The following PDE7B variants were observed in gnomAD, a reference collection of about 807,000 sequenced individuals.
PDE7B encodes phosphodiesterase 7B, also known as 3',5'-cyclic-AMP phosphodiesterase 7B.
PDE7B carries 29 observed loss-of-function variants against 56.2 expected under a neutral mutation model. The ratio of observed to expected loss-of-function variants is 0.52; its 90% CI spans 0.38 to 0.70. PDE7B has a LOEUF of 0.70. Among genes scored for constraint, PDE7B ranks in the 30% least tolerant of loss-of-function variants. PDE7B has a pLI of 0.00. For missense variants in PDE7B, 490 were observed against 565.0 expected (o/e 0.87, Z 1.35); for synonymous variants, 197 against 196.9 (o/e 1.00, Z 0.00).
intron 3 of PDE7B, among the ~76,000 whole-genome samples, chr6:136,124,362 A>T (rs1003124935): frequency 3.9e-5 from 6 of 152,220 alleles, no homozygotes; most frequent in African/African-American, 1.2e-4. Context: ...AATATTTTTT[A>T]AAAAATTGTG....
intron 1 of PDE7B, among the ~76,000 whole-genome samples, chr6:135,873,142 G>A (rs533838234): frequency 5.3e-5 from 8 of 152,256 alleles, no homozygotes; most frequent in South Asian, 2.1e-4. Flanking sequence ...AGCTGAGAGC[G>A]AAACAAATCT....
chr6:135,924,653 A>C (rs1305132525), intron 1 of PDE7B, among the ~76,000 whole-genome samples: 2 of 56,426 alleles, frequency 3.5e-5, no homozygotes, highest in Admixed American at 4.1e-4. Context: ...GTGGGATGTC[A>C]CCTCTAAGTA....
intron 2 of PDE7B, among the ~76,000 whole-genome samples, chr6:136,006,252 G>A (rs1775780796): frequency 6.7e-6 from 1 of 150,104 alleles, no homozygotes; most frequent in African/African-American, 2.4e-5. Flanking sequence ...TATACCTAAT[G>A]CTAAATGACG....
chr6:136,158,127 G>A (rs749385832), intron 8 of PDE7B, among the ~76,000 whole-genome samples: 51 of 152,220 alleles, frequency 3.4e-4, no homozygotes, highest in African/African-American at 1.2e-3. Context: ...ACCCATTAAC[G>A]ACACATGGTA....
intron 2 of PDE7B, among the ~76,000 whole-genome samples, chr6:135,991,667 A>C (rs1258598006): frequency 3.9e-5 from 6 of 152,084 alleles, no homozygotes. Context: ...TAATGAGGTA[A>C]TTTTTCTTCG....
At chr6:135,884,388 A>G (rs1438871585) in intron 1 of PDE7B, among the ~76,000 whole-genome samples, 1 of 152,218 alleles carries the variant, frequency 6.6e-6, no homozygotes, top group Admixed American at 6.5e-5. Flanking sequence ...TCTTTCTTCT[A>G]GTCATCACAT....
At chr6:136,089,373 A>AG (rs1777347367) in intron 2 of PDE7B, among the ~76,000 whole-genome samples, 2 of 152,212 alleles carry the variant, frequency 1.3e-5, no homozygotes, top group Admixed American at 1.3e-4. Flanking sequence ...GTCAATAAAT[A>AG]AATGGTTCCA....
Position 136,195,018 on chromosome 6 carries a change from G to GA in PDE7B, c.*3181dup, listed in dbSNP as rs1472888249. 1 of 152,184 alleles carries GA rather than the reference G, an allele frequency of 6.6e-6. No homozygotes were observed. The highest frequency in any genetic ancestry group is 6.5e-5 in the Admixed American group (1 of 15,278). 9.4% of individuals were successfully genotyped at this position (152,184 alleles called of 1,614,324 possible). Reference sequence around the variant, plus strand: ...GTTTAATTCTTTCATTGCTTGAGAAGAAAGGAATCAAAGGACTGTGTGTAG... The same window carrying GA: ...GTTTAATTCTTTCATTGCTTGAGAAGAAAAGGAATCAAAGGACTGTGTGTAG... On this transcript the variant is annotated 3_prime_UTR_variant, in exon 13 of 13. Coordinates refer to ENST00000308191, the MANE Select transcript of PDE7B (RefSeq NM_018945.4).
intron 1 of PDE7B, among the ~76,000 whole-genome samples, chr6:135,857,641 T>C (rs1319414450): frequency 6.6e-6 from 1 of 152,164 alleles, no homozygotes; most frequent in African/African-American, 2.4e-5. Context: ...TAAGAACATA[T>C]AGAATTGTTT....
At chr6:136,090,305 G>T (rs576133659) in intron 2 of PDE7B, among the ~76,000 whole-genome samples, 1 of 152,250 alleles carries the variant, frequency 6.6e-6, no homozygotes, top group Non-Finnish European at 1.5e-5. Context: ...CATAAAGTTG[G>T]TGATCAGTTA....
intron 2 of PDE7B, among the ~76,000 whole-genome samples, chr6:136,043,141 T>A (rs1776440507): frequency 6.6e-6 from 1 of 152,236 alleles, no homozygotes; most frequent in Middle Eastern, 3.2e-3. Context: ...ATTCATAATA[T>A]TTTTCTAAAA....
At chr6:136,044,202 T>C (rs1776460006) in intron 2 of PDE7B, 1 of 152,212 alleles carries the variant, frequency 6.6e-6, no homozygotes, top group Non-Finnish European at 1.5e-5. Context: ...ACTTTCTTTG[T>C]ATTTATTTAA....
At chr6:135,945,059 A>G (rs1266680582) in intron 1 of PDE7B, among the ~76,000 whole-genome samples, 1 of 137,998 alleles carries the variant, frequency 7.2e-6, no homozygotes. Context: ...AAAAATATTA[A>G]CACTTTCACT....
chr6:135,968,669 T>C (rs1371099209), intron 2 of PDE7B, among the ~76,000 whole-genome samples: 4 of 152,166 alleles, frequency 2.6e-5, no homozygotes, highest in Non-Finnish European at 5.9e-5. Context: ...GAAATAGGAA[T>C]GTATTTACAC....
chr6:136,133,525 A>C (rs1778155743), intron 3 of PDE7B, among the ~76,000 whole-genome samples: 1 of 152,188 alleles, frequency 6.6e-6, no homozygotes, highest in Non-Finnish European at 1.5e-5. Flanking sequence ...CTTCAATTCA[A>C]CAATTACATG....
chr6:136,059,882 G>C (rs1776807297), intron 2 of PDE7B, among the ~76,000 whole-genome samples: 1 of 152,140 alleles, frequency 6.6e-6, no homozygotes, highest in Non-Finnish European at 1.5e-5. Context: ...TTTATAGGAA[G>C]TATTTGCCAT....
At chr6:136,062,216 T>C (rs1232973389) in intron 2 of PDE7B, among the ~76,000 whole-genome samples, 2 of 152,206 alleles carry the variant, frequency 1.3e-5, no homozygotes, top group African/African-American at 4.8e-5. Context: ...TTTCCACCTT[T>C]ATTGAGATAT....
At chr6:135,910,702 T>C (rs372710074) in intron 1 of PDE7B, among the ~76,000 whole-genome samples, 6 of 152,192 alleles carry the variant, frequency 3.9e-5, no homozygotes, top group East Asian at 3.8e-4. Context: ...TGGAGTATTT[T>C]CACTGCCCTA....
chr6:136,159,250 G>A (rs1052369460), intron 8 of PDE7B, among the ~76,000 whole-genome samples: 5 of 152,052 alleles, frequency 3.3e-5, no homozygotes, highest in South Asian at 2.1e-4. Flanking sequence ...ACCCCACCCC[G>A]TCCTCAAACA....
Sources: gnomAD v4.1 joint callset for allele counts (sites outside exome capture counted in the v4.1 genomes callset) on GRCh38, gnomAD v4.1.1 for gene constraint, MANE v1.5 for transcripts, NCBI Gene and HGNC (gene_info 2026-07-23, HGNC 2026-07-21) for gene names.